The following FRY variants were observed in gnomAD, a reference collection of about 807,000 sequenced individuals.
FRY encodes the protein protein furry homolog.
In FRY, 128 loss-of-function variants were observed where a neutral mutation model predicts 348.4. The observed-to-expected ratio is 0.37, with a 90% CI of 0.32 to 0.43. The LOEUF (loss-of-function observed/expected upper bound fraction) is 0.43. Ranked by LOEUF, FRY falls within the 20% of genes least tolerant of loss-of-function variation. FRY has a pLI of 1.00. For missense variants in FRY, 2,736 were observed against 3,695.2 expected (o/e 0.74, Z 6.73); for synonymous variants, 1,370 against 1,374.7 (o/e 1.00, Z 0.08).
At chr13:32,094,714 T>C (rs896177787) in intron 2 of FRY, among the ~76,000 whole-genome samples, 14 of 152,224 alleles carry the variant, frequency 9.2e-5, no homozygotes, top group African/African-American at 3.4e-4. Flanking sequence ...GGCTGAATAG[T>C]ACTTCATCGT....
intron 2 of FRY, among the ~76,000 whole-genome samples, chr13:32,093,427 A>T (rs1327391038): frequency 1.3e-5 from 2 of 152,162 alleles, no homozygotes; most frequent in African/African-American, 4.8e-5. Context: ...AAACTTATTT[A>T]TTGAGGAAAC....
chr13:32,265,426 T>G (rs1887864919), intron 53 of FRY, 24 bp from the exon 54 acceptor site: 1 of 1,612,748 alleles, frequency 6.2e-7, no homozygotes, highest in Admixed American at 1.7e-5. Context: ...ATTGGGGGAT[T>G]CTTTTGTCTT....
intron 4 of FRY, among the ~76,000 whole-genome samples, chr13:32,121,629 GT>G (rs2138712339): frequency 6.6e-6 from 1 of 152,132 alleles, no homozygotes; most frequent in African/African-American, 2.4e-5. Context: ...TGGTGGGGTG[GT>G]TTTTTTCTTA....
At chr13:32,164,880 G>A (rs557308364) in intron 17 of FRY, among the ~76,000 whole-genome samples, 1 of 152,188 alleles carries the variant, frequency 6.6e-6, no homozygotes, top group Non-Finnish European at 1.5e-5. Context: ...TTCACTAGGA[G>A]TCCACAGGCT....
intron 31 of FRY, among the ~76,000 whole-genome samples, chr13:32,206,768 C>G (rs981956169): frequency 2.0e-5 from 3 of 152,132 alleles, no homozygotes; most frequent in African/African-American, 2.4e-5. Flanking sequence ...TTAAAAATAA[C>G]ACAGAAAAAT....
chr13:32,048,257 G>A (rs1005214861), intron 1 of FRY, among the ~76,000 whole-genome samples: 1 of 152,166 alleles, frequency 6.6e-6, no homozygotes, highest in South Asian at 2.1e-4. Flanking sequence ...CCAGCAAGCA[G>A]TAACAGTGTT....
intron 24 of FRY, among the ~76,000 whole-genome samples, chr13:32,183,616 A>G (rs1351769111): frequency 6.6e-6 from 1 of 152,080 alleles, no homozygotes; most frequent in Non-Finnish European, 1.5e-5. Flanking sequence ...TCTCTACTAA[A>G]AACACAAAAA....
chr13:32,214,649 A>G (rs946384562), intron 35 of FRY, among the ~76,000 whole-genome samples: 10 of 152,184 alleles, frequency 6.6e-5, no homozygotes, highest in Non-Finnish European at 1.3e-4. Flanking sequence ...GAGAAATGTC[A>G]TATCCCCAGA....
intron 39 of FRY, among the ~76,000 whole-genome samples, chr13:32,226,225 A>G (rs1373337991): frequency 1.3e-5 from 2 of 152,190 alleles, no homozygotes; most frequent in Non-Finnish European, 2.9e-5. Flanking sequence ...CCCATTGAAT[A>G]TGTTCCTCCT....
intron 16 of FRY, among the ~76,000 whole-genome samples, chr13:32,159,556 T>G (rs1881325847): frequency 6.6e-6 from 1 of 152,226 alleles, no homozygotes; most frequent in Non-Finnish European, 1.5e-5. Flanking sequence ...TATATAATTT[T>G]GGGGATTTAT....
chr13:32,143,806 A>C (rs1327483299), intron 11 of FRY, among the ~76,000 whole-genome samples: 1 of 152,208 alleles, frequency 6.6e-6, no homozygotes. Flanking sequence ...CTACATAATA[A>C]TACTACAGGC....
At position 32,147,895 on chromosome 13, in the gene FRY, C is replaced by A. The variant is rs769888984; in HGVS notation, c.1340C>A (p.Pro447Gln). 6.2e-7 allele frequency: 1 copy of A among 1,611,306 alleles called. No homozygotes were observed. Among genetic ancestry groups the A allele is most frequent in the Admixed American group, 1.7e-5 (1 of 60,000 alleles). The change falls in exon 13 of 61, where the codon CCA (proline) becomes CAA (glutamine). Residue 447 changes from proline (P) to glutamine (Q), a missense_variant. Physicochemically the swap from Pro to Gln is moderately conservative, Grantham distance 76. This residue lies in a region of FRY where 191 missense variants were observed against 370.2 expected (regional missense o/e 0.52). Transcript: ENST00000542859. ...LFPKGSRGVV[P>Q]RDMPLNIFVK... The stretch of plus-strand genomic sequence containing the variant: ...CCCAAAGGGTCCCGCGGTGTGGTAC[C>A]AAGGGACATGCCTCTGAACATCTTT...
chr13:32,157,045 T>A (rs1881157784), intron 15 of FRY, among the ~76,000 whole-genome samples: 1 of 152,214 alleles, frequency 6.6e-6, no homozygotes, highest in Non-Finnish European at 1.5e-5. Flanking sequence ...TCCAATTGAG[T>A]ATTAGAATTC....
intron 3 of FRY, among the ~76,000 whole-genome samples, chr13:32,110,049 G>C (rs751166846): frequency 6.6e-6 from 1 of 152,234 alleles, no homozygotes; most frequent in Non-Finnish European, 1.5e-5. Flanking sequence ...TAGCAGCTAG[G>C]AGCTCACTGG....
Position 32,237,684 on chromosome 13 carries a change from A to G in FRY, c.6116A>G (p.Asn2039Ser). The stretch of plus-strand genomic sequence containing the variant: ...CCATCCCACATAAACCATCCCACCA[A>G]CCTGCTGGCCACCATATTCTGGGTC... ...TDPSHINHPT[N>S]LLATIFWVTV... Residue 2039 changes from asparagine to serine, a missense_variant, in exon 44 of 61, where the codon AAC becomes AGC. This residue lies in a region of FRY where 789 missense variants were observed against 996.2 expected (regional missense o/e 0.79). Coordinates refer to ENST00000542859, the MANE Select transcript of FRY (RefSeq NM_023037.3). This position sits in a 1 kb window ranked among gnomAD's most constrained non-coding sequence, Gnocchi z 6.3. 6.2e-7 allele frequency: 1 copy of G among 1,613,884 alleles called. No homozygotes were observed. Among genetic ancestry groups the G allele is most frequent in the Non-Finnish European group, 8.5e-7 (1 of 1,179,944 alleles).
chr13:32,202,250 GAATT>G (rs1377646487), intron 30 of FRY, 102 bp from the exon 31 acceptor site: 6 of 923,362 alleles, frequency 6.5e-6, no homozygotes, highest in Middle Eastern at 2.7e-4. Flanking sequence ...TTTTAAATGG[GAATT>G]AATTAATTTT....
intron 2 of FRY, among the ~76,000 whole-genome samples, chr13:32,091,501 GA>G (rs1876307241): frequency 6.6e-6 from 1 of 152,218 alleles, no homozygotes; most frequent in Non-Finnish European, 1.5e-5. Flanking sequence ...TGTCAGACAT[GA>G]AAACATTTGG....
intron 3 of FRY, among the ~76,000 whole-genome samples, chr13:32,104,270 C>T (rs1325961929): frequency 1.3e-5 from 2 of 152,170 alleles, no homozygotes; most frequent in East Asian, 3.8e-4. Flanking sequence ...TTAAATCCCA[C>T]CTTTGTCACT....
chr13:32,165,491 C>T (rs1881684498), intron 17 of FRY, among the ~76,000 whole-genome samples: 1 of 146,100 alleles, frequency 6.8e-6, no homozygotes. Flanking sequence ...AAATTTCCAC[C>T]CCTTCTGGTG....
Sources: allele counts gnomAD v4.1 joint callset (sites outside exome capture counted in the v4.1 genomes callset), GRCh38; gene constraint gnomAD v4.1.1; regional missense constraint gnomAD v4.1.1; non-coding constraint Gnocchi (gnomAD v3.1); transcripts MANE v1.5; gene names NCBI Gene and HGNC (gene_info 2026-07-23, HGNC 2026-07-21).